PRKN: variants seen among roughly 807,000 people sequenced by gnomAD.
The protein encoded by PRKN is E3 ubiquitin-protein ligase parkin.
A neutral mutation model predicts 59.5 loss-of-function variants in PRKN; 56 were observed. That is an observed-to-expected ratio of 0.94 (90% confidence interval 0.76 to 1.18). The LOEUF (loss-of-function observed/expected upper bound fraction) is 1.18, where lower values mean the gene tolerates loss of function less well. Ranked by LOEUF, PRKN falls within the 50% of genes most tolerant of loss-of-function variation. The pLI is 0.00. For missense variants in PRKN, 657 were observed against 596.4 expected (o/e 1.10, Z -1.06); for synonymous variants, 250 against 222.1 (o/e 1.13, Z -1.12).
At chr6:162,709,510 C>CAGG (rs1778451471) in intron 1 of PRKN, among the ~76,000 whole-genome samples, 2 of 152,116 alleles carry the variant, frequency 1.3e-5, no homozygotes. Flanking sequence ...TCCCCAAACT[C>CAGG]AGAGTTCCTT....
rs186474080 is a variant in PRKN at position 161,732,177 on chromosome 6, C to A, written c.871+53595G>T. 2.6e-4 allele frequency among the ~76,000 whole-genome samples: 40 copies of A among 151,870 alleles called. 1 individual carries two copies. The highest frequency in any genetic ancestry group is 9.7e-4 in the African/African-American group (40 of 41,400). ...TCTCAGCACGCTGGAACCTCCGCCT[C>A]CTGGGTTCAAGCGATTCTCCTGCCT... is the stretch of plus-strand genomic sequence containing the variant. On this transcript the variant is annotated intron_variant, in intron 7 of 11. Coordinates refer to ENST00000366898, the MANE Select transcript of PRKN (RefSeq NM_004562.3).
At chr6:161,432,355 A>ATTT (rs1188841520) in intron 9 of PRKN, among the ~76,000 whole-genome samples, 44 of 92,180 alleles carry the variant, frequency 4.8e-4, no homozygotes, top group Admixed American at 9.4e-4. Flanking sequence ...ACTTCCTCTG[A>ATTT]TTTTTTTTTT....
chr6:161,881,523 T>C (rs955056182), intron 6 of PRKN, among the ~76,000 whole-genome samples: 1 of 152,162 alleles, frequency 6.6e-6, no homozygotes, highest in Non-Finnish European at 1.5e-5. Context: ...CAAATATGCA[T>C]TCCCTCCTGC....
Position 161,386,021 on chromosome 6 carries a change from C to T in PRKN, c.1167+773G>A. 6.6e-6 allele frequency among the ~76,000 whole-genome samples: 1 copy of T among 152,198 alleles called. No individual in the cohort carries two copies. Among genetic ancestry groups the T allele is most frequent in the East Asian group, 1.9e-4 (1 of 5,200 alleles). ...TTAGAGCATTCAGATCTTTAACATT[C>T]TCTATTGTAAAATCAAAATATTCTG... On this transcript the variant is annotated intron_variant, in intron 10 of 11. Transcript: ENST00000366898. This position sits in a 1 kb window ranked among gnomAD's most constrained non-coding sequence, Gnocchi z 4.3.
chr6:161,457,613 C>T lies in PRKN; in HGVS notation c.1084-70736G>A, dbSNP rs77133982. Among the ~76,000 whole-genome samples the T allele has an allele frequency of 0.014, 2,067 of 152,164 alleles. 57 individuals are homozygous for T. Among genetic ancestry groups the T allele is most frequent in the African/African-American group, 0.047 (1,941 of 41,484 alleles). ...ATGCATGAATGAATTAATGAATGCTCTGTGATCTGAGGGCTGAAGATACAT... is the reference window on the plus strand; with the variant it reads ...ATGCATGAATGAATTAATGAATGCTTTGTGATCTGAGGGCTGAAGATACAT... On this transcript the variant is annotated intron_variant, in intron 9 of 11. Transcript: ENST00000366898. This position sits in a 1 kb window ranked among gnomAD's most constrained non-coding sequence, Gnocchi z 5.0.
chr6:161,479,525 A>G (rs372287368), intron 9 of PRKN, among the ~76,000 whole-genome samples: 2 of 152,336 alleles, frequency 1.3e-5, no homozygotes, highest in African/African-American at 4.8e-5. Flanking sequence ...TGAGGGAACC[A>G]GCAATGCTGG....
In PRKN at chr6:161,497,498, T is replaced by C. The variant is rs962871611; in HGVS notation, c.1083+51356A>G. On this transcript the variant is annotated intron_variant, in intron 9 of 11. Transcript: ENST00000366898. This position sits in a 1 kb window ranked among gnomAD's most constrained non-coding sequence, Gnocchi z 4.6. ...TCCTTTTTAAAACTCTGTATTCCCATTGAAAAGAGTCAAGGGTACAATTCT... is the reference window on the plus strand; with the variant it reads ...TCCTTTTTAAAACTCTGTATTCCCACTGAAAAGAGTCAAGGGTACAATTCT... Among the ~76,000 whole-genome samples the C allele has an allele frequency of 1.3e-5, 2 of 152,086 alleles. No individual in the cohort carries two copies. The highest frequency in any genetic ancestry group is 4.8e-5 in the African/African-American group (2 of 41,408).
intron 2 of PRKN, among the ~76,000 whole-genome samples, chr6:162,311,701 A>G (rs1782526746): frequency 6.6e-6 from 1 of 151,744 alleles, no homozygotes; most frequent in Non-Finnish European, 1.5e-5. Context: ...CCAGGCTATA[A>G]ATAATTATTA....
At chr6:161,894,745 T>C (rs1490887669) in intron 6 of PRKN, among the ~76,000 whole-genome samples, 1 of 152,252 alleles carries the variant, frequency 6.6e-6, no homozygotes. Flanking sequence ...CTCTTTTGTA[T>C]GCGCTTCTAG....
At chr6:162,334,421 C>T (rs749594858) in intron 2 of PRKN, among the ~76,000 whole-genome samples, 13 of 152,148 alleles carry the variant, frequency 8.5e-5, no homozygotes, top group Admixed American at 6.5e-4. Flanking sequence ...TAGGGCCCAT[C>T]ATGCTGAAAT....
chr6:162,404,470 A>C (rs906917213), intron 2 of PRKN, among the ~76,000 whole-genome samples: 1 of 152,134 alleles, frequency 6.6e-6, no homozygotes, highest in Non-Finnish European at 1.5e-5. Flanking sequence ...GGGTCTAGAA[A>C]TTTGCCAAAT....
intron 7 of PRKN, among the ~76,000 whole-genome samples, chr6:161,583,869 G>A (rs1315085526): frequency 6.6e-6 from 1 of 152,154 alleles, no homozygotes; most frequent in African/African-American, 2.4e-5. Flanking sequence ...TGGTGTCAGT[G>A]AGTCACCTAG....
intron 7 of PRKN, among the ~76,000 whole-genome samples, chr6:161,743,213 C>CTTTTTTTTTTTTTTTTTTT (rs768890758): frequency 1.2e-5 from 1 of 84,552 alleles, no homozygotes; most frequent in Non-Finnish European, 2.2e-5. Flanking sequence ...TGGTTTCTAC[C>CTTTTTTTTTTTTTTTTTTT]TTTTTTTTTT....
At chr6:161,765,310 T>A (rs1281028317) in intron 7 of PRKN, among the ~76,000 whole-genome samples, 1 of 152,190 alleles carries the variant, frequency 6.6e-6, no homozygotes, top group Non-Finnish European at 1.5e-5. Context: ...ATTCGCATAG[T>A]GGAAAATGAA....
chr6:161,835,299 G>A (rs1034745992), intron 6 of PRKN, among the ~76,000 whole-genome samples: 1 of 152,138 alleles, frequency 6.6e-6, no homozygotes, highest in Admixed American at 6.5e-5. Flanking sequence ...TGAGCGTATG[G>A]TGAGAAGGAA....
At chr6:162,704,332 C>T (rs1360815048) in intron 1 of PRKN, among the ~76,000 whole-genome samples, 1 of 152,098 alleles carries the variant, frequency 6.6e-6, no homozygotes, top group Admixed American at 6.6e-5. Flanking sequence ...TGGCACTCCT[C>T]CCCAGGTACT....
At chr6:162,187,064 G>C (rs1398446420) in intron 4 of PRKN, among the ~76,000 whole-genome samples, 1 of 152,154 alleles carries the variant, frequency 6.6e-6, no homozygotes, top group Non-Finnish European at 1.5e-5. Flanking sequence ...TGTGATCCCA[G>C]AGTTTGTTAA....
At chr6:161,722,272 G>T (rs1028958360) in intron 7 of PRKN, among the ~76,000 whole-genome samples, 1 of 152,122 alleles carries the variant, frequency 6.6e-6, no homozygotes, top group Admixed American at 6.5e-5. Context: ...ATATTTTTGT[G>T]TGCATTGATT....
At chr6:162,612,560 G>A (rs1451345489) in intron 1 of PRKN, among the ~76,000 whole-genome samples, 1 of 138,270 alleles carries the variant, frequency 7.2e-6, no homozygotes, top group East Asian at 2.2e-4. Context: ...TCGCGCCATT[G>A]CACTCCAGCC....
Sources: gnomAD v4.1 joint callset for allele counts (sites outside exome capture counted in the v4.1 genomes callset) on GRCh38, gnomAD v4.1.1 for gene constraint, Gnocchi (gnomAD v3.1) non-coding constraint, MANE v1.5 for transcripts, NCBI Gene and HGNC (gene_info 2026-07-23, HGNC 2026-07-21) for gene names.